Variants in RAD21 observed in about 807,000 individuals in gnomAD.
RAD21 encodes RAD21 cohesin complex component.
A neutral mutation model predicts 71.5 loss-of-function variants in RAD21; 18 were observed. The observed-to-expected ratio is 0.25, with a 90% CI of 0.17 to 0.37. The LOEUF (loss-of-function observed/expected upper bound fraction) is 0.37, where lower values mean the gene tolerates loss of function less well. Among genes scored for constraint, RAD21 ranks in the 10% least tolerant of loss-of-function variants. The pLI, the probability that RAD21 is intolerant of heterozygous loss-of-function variation, is 1.00. For missense variants in RAD21, 493 were observed against 769.1 expected, an observed-to-expected ratio of 0.64 and a Z score of 4.25; for synonymous variants, 248 against 254.0, an observed-to-expected ratio of 0.98 and a Z score of 0.22.
At chr8:116,857,975 A>G (rs963374395) in intron 5 of RAD21, among the ~76,000 whole-genome samples, 8 of 152,174 alleles carry the variant, frequency 5.3e-5, no homozygotes, top group Admixed American at 2.6e-4. Flanking sequence ...CACAGCAGAG[A>G]CCCCGCCTCT....
intron 2 of RAD21, among the ~76,000 whole-genome samples, chr8:116,863,708 T>C (rs1287194913): frequency 6.6e-6 from 1 of 152,146 alleles, no homozygotes; most frequent in Non-Finnish European, 1.5e-5. Context: ...CTGAGAAAGA[T>C]TTCCCCCCCA....
At position 116,856,650 on chromosome 8, in the gene RAD21, T is replaced by G. The variant is rs1460543601; in HGVS notation, c.810A>C (p.Val270=). 3 of 1,589,960 alleles carry G rather than the reference T, an allele frequency of 1.9e-6. No homozygotes were observed. The highest frequency in any genetic ancestry group is 2.3e-5 in the South Asian group (2 of 86,890). Residue 270 remains valine, a synonymous_variant, in exon 7 of 14, where the codon GTA becomes GTC. Transcript: ENST00000297338. ...CACTGAACATGAAATGCTTACTTGA[T>G]ACATTATCATCCTCATCCATATCGT... ...AHDDMDEDDN[V]SMGGPDSPDS... is the part of the protein sequence containing the mutation.
In RAD21 at chr8:116,857,582, T is replaced by C. The variant is rs1586268714; in HGVS notation, c.482-109A>G. 6.4e-6 allele frequency: 6 copies of C among 933,662 alleles called. No homozygotes were observed. In the Admixed American group the frequency reaches 1.1e-4, roughly 17 times the overall value. The allele number at this position is 933,662 out of a possible 1,614,324, so 57.8% of individuals were successfully genotyped here. ...ATTATGTCACATTTGCTTACTGAAG[T>C]CTTACTTCAAATGTTAAAATATCTA... On this transcript the variant is annotated intron_variant, in intron 5 of 13. Coordinates refer to ENST00000297338, the MANE Select transcript of RAD21 (RefSeq NM_006265.3).
intron 1 of RAD21, among the ~76,000 whole-genome samples, chr8:116,870,285 G>A (rs954165655): frequency 1.3e-5 from 2 of 152,104 alleles, no homozygotes; most frequent in African/African-American, 4.8e-5. Flanking sequence ...CCAGCCCTTT[G>A]GGAGGCCAAG....
chr8:116,858,984 G>A (rs2130472214), intron 4 of RAD21, among the ~76,000 whole-genome samples: 1 of 151,188 alleles, frequency 6.6e-6, no homozygotes, highest in Non-Finnish European at 1.5e-5. Flanking sequence ...AAAAATAGAT[G>A]GCAAGGAAAA....
At chr8:116,864,761 C>T (rs1453411118) in intron 2 of RAD21, among the ~76,000 whole-genome samples, 1 of 152,062 alleles carries the variant, frequency 6.6e-6, no homozygotes, top group Admixed American at 6.6e-5. Flanking sequence ...AGCTTTCTTT[C>T]TGGATTAGTC....
Position 116,848,964 on chromosome 8 carries a change from C to T in RAD21, c.1686G>A (p.Gln562=). The change falls in exon 13 of 14, where the codon CAG becomes CAA. Residue 562 remains glutamine (Q), a synonymous_variant. Coordinates refer to ENST00000297338, the MANE Select transcript of RAD21 (RefSeq NM_006265.3). ...EERRWNKRTQ[Q]MLHGLQRALA... ...GCAATACCTGAAGACCATGAAGCAT[C>T]TGCTGAGTCCTTTTGTTCCATCTTC... 1 of 1,608,256 alleles carries T rather than the reference C, an allele frequency of 6.2e-7. No individual in the cohort carries two copies. The highest frequency in any genetic ancestry group is 8.5e-7 in the Non-Finnish European group (1 of 1,177,156).
intron 1 of RAD21, among the ~76,000 whole-genome samples, chr8:116,870,314 G>A (rs1175098467): frequency 1.3e-5 from 2 of 152,050 alleles, no homozygotes; most frequent in African/African-American, 2.4e-5. Flanking sequence ...AATGCTTGAG[G>A]GCAGGAGTTC....
chr8:116,860,110 CTAGAAT>C (rs1563691600), intron 4 of RAD21, among the ~76,000 whole-genome samples: 1 of 152,100 alleles, frequency 6.6e-6, no homozygotes, highest in Non-Finnish European at 1.5e-5. Context: ...AGCAAGAGAA[CTAGAAT>C]TAGAAGTGGA....
At chr8:116,855,354 TAG>T (rs1246981556) in intron 8 of RAD21, among the ~76,000 whole-genome samples, 1 of 152,160 alleles carries the variant, frequency 6.6e-6, no homozygotes, top group African/African-American at 2.4e-5. Context: ...TAGAAATTGT[TAG>T]GTTTTATATC....
intron 9 of RAD21, among the ~76,000 whole-genome samples, chr8:116,853,001 C>A (rs1260079355): frequency 1.3e-5 from 2 of 152,190 alleles, no homozygotes; most frequent in Non-Finnish European, 2.9e-5. Flanking sequence ...AATTAAAACT[C>A]ATCCTAACTG....
At chr8:116,869,542 G>A (rs1812767461) in intron 1 of RAD21, among the ~76,000 whole-genome samples, 3 of 151,954 alleles carry the variant, frequency 2.0e-5, no homozygotes, top group African/African-American at 7.3e-5. Flanking sequence ...CTGAGATCGC[G>A]ACACTGCATT....
intron 1 of RAD21, among the ~76,000 whole-genome samples, chr8:116,872,881 A>T (rs986023711): frequency 3.9e-5 from 6 of 152,220 alleles, no homozygotes; most frequent in African/African-American, 1.4e-4. Flanking sequence ...CCTTTGACCA[A>T]GAGTTTTACA....
intron 1 of RAD21, among the ~76,000 whole-genome samples, chr8:116,872,603 C>G (rs1812852619): frequency 1.3e-5 from 2 of 151,936 alleles, no homozygotes; most frequent in South Asian, 4.2e-4. Flanking sequence ...ACCACCTATT[C>G]AAAGTAAAAA....
At chr8:116,855,936 CAAAATT>C (rs1812453334) in intron 8 of RAD21, among the ~76,000 whole-genome samples, 1 of 151,934 alleles carries the variant, frequency 6.6e-6, no homozygotes, top group African/African-American at 2.4e-5. Context: ...ACAAAATACT[CAAAATT>C]ATAATTGGAT....
chr8:116,874,317 G>A (rs1812920395), intron 1 of RAD21: 1 of 153,564 alleles, frequency 6.5e-6, no homozygotes, highest in Non-Finnish European at 1.4e-5. Context: ...GACCTGCAGG[G>A]TAACAGCCTT....
intron 1 of RAD21, among the ~76,000 whole-genome samples, chr8:116,870,411 C>T (rs1317781610): frequency 6.6e-6 from 1 of 152,172 alleles, no homozygotes; most frequent in Non-Finnish European, 1.5e-5. Context: ...ATATTCTATA[C>T]TAAGAACTCA....
At chr8:116,847,997 G>C (rs1812279339) in intron 13 of RAD21, among the ~76,000 whole-genome samples, 10 of 152,274 alleles carry the variant, frequency 6.6e-5, no homozygotes, top group Admixed American at 6.5e-4. Context: ...TGACACACCT[G>C]CTCCCCCTTT....
chr8:116,851,944 T>C lies in RAD21; in HGVS notation c.1470+4A>G. On this transcript the variant is annotated splice_donor_region_variant and intron_variant, in intron 11 of 13. Coordinates refer to ENST00000297338, the MANE Select transcript of RAD21 (RefSeq NM_006265.3). ...TGACTTAATGGATAGATTTGCTTAC[T>C]TACAGGCATCACAGGCTCTGGGTCA... 1 of 1,605,676 alleles carries C rather than the reference T, an allele frequency of 6.2e-7. No individual in the cohort carries two copies. The highest frequency in any genetic ancestry group is 8.5e-7 in the Non-Finnish European group (1 of 1,173,910).
Sources: allele counts gnomAD v4.1 joint callset (sites outside exome capture counted in the v4.1 genomes callset), GRCh38; gene constraint gnomAD v4.1.1; transcripts MANE v1.5; gene names NCBI Gene and HGNC (gene_info 2026-07-23, HGNC 2026-07-21).